VIPR1: variants seen among roughly 807,000 people sequenced by gnomAD.
VIPR1 encodes the protein vasoactive intestinal polypeptide receptor 1.
Under a neutral mutation model 58.8 loss-of-function variants are expected in VIPR1, and 59 were observed. That is an observed-to-expected ratio of 1.00 (90% confidence interval 0.81 to 1.25). The LOEUF is 1.25. Ranked by LOEUF, VIPR1 falls within the 50% of genes most tolerant of loss-of-function variation. VIPR1 has a pLI of 0.00. For missense variants in VIPR1, 626 were observed against 602.7 expected (o/e 1.04, Z -0.40); for synonymous variants, 251 against 242.1 (o/e 1.04, Z -0.34).
chr3:42,527,351 C>T (rs1350501954), intron 4 of VIPR1, 42 bp from the exon 5 acceptor site: 25 of 1,550,732 alleles, frequency 1.6e-5, no homozygotes, highest in Non-Finnish European at 2.0e-5. Context: ...AGATGAGCCT[C>T]CCACCCCACC....
chr3:42,497,855 C>T (rs1270081181), upstream of VIPR1, among the ~76,000 whole-genome samples: 2 of 152,172 alleles, frequency 1.3e-5, no homozygotes, highest in African/African-American at 4.8e-5. Context: ...GTCCACTAAA[C>T]CTCTTTTTCT....
chr3:42,496,246 C>T (rs1416323882), intron 1 of VIPR1, among the ~76,000 whole-genome samples: 1 of 152,128 alleles, frequency 6.6e-6, no homozygotes, highest in Non-Finnish European at 1.5e-5. Flanking sequence ...AAAGCTAATA[C>T]ATCTCCCTTA....
At chr3:42,532,373 T>G (rs1264762614) in intron 10 of VIPR1, 40 bp downstream of exon 10, 2 of 1,577,110 alleles carry the variant, frequency 1.3e-6, no homozygotes, top group Non-Finnish European at 1.7e-6. Context: ...AGTACCTCCA[T>G]CCCCAGTCCT....
chr3:42,528,029 T>TCTTCATATC lies in VIPR1; in HGVS notation c.549_557dup (p.Ser184_Ile186dup), dbSNP rs1559494079. 1 of 1,613,854 alleles carries TCTTCATATC rather than the reference T, an allele frequency of 6.2e-7. No homozygotes were observed. The highest frequency in any genetic ancestry group is 1.7e-5 in the Admixed American group (1 of 59,994). On this transcript the variant is annotated inframe_insertion, in exon 6 of 13. Coordinates refer to ENST00000325123, the MANE Select transcript of VIPR1 (RefSeq NM_004624.4). ...ACGCGGAACTACATCCACATGCACC[T>TCTTCATATC]CTTCATATCCTTCATCCTGAGGGCT...
At chr3:42,531,562 C>G (rs781736341) in intron 8 of VIPR1, 31 bp downstream of exon 8, 1 of 1,589,778 alleles carries the variant, frequency 6.3e-7, no homozygotes, top group African/African-American at 1.3e-5. Flanking sequence ...CTCCCCCGGC[C>G]GCCATCACTT....
intron 11 of VIPR1, 40 bp from the exon 12 acceptor site, chr3:42,535,303 G>A: frequency 1.2e-6 from 2 of 1,612,664 alleles, no homozygotes; most frequent in East Asian, 2.2e-5. Context: ...GGGGGCTTCT[G>A]GTCTGTCTAC....
At chr3:42,503,533 T>A (rs867431361) in intron 1 of VIPR1, among the ~76,000 whole-genome samples, 1 of 152,150 alleles carries the variant, frequency 6.6e-6, no homozygotes, top group Non-Finnish European at 1.5e-5. Flanking sequence ...GGTATGTGTA[T>A]GCCCTTGATA....
upstream of VIPR1, chr3:42,502,639 C>A (rs1364724940): frequency 2.1e-6 from 2 of 961,614 alleles, no homozygotes; most frequent in African/African-American, 1.7e-5. Flanking sequence ...ACAGCGCCAG[C>A]GCCACTCTGC....
intron 1 of VIPR1, among the ~76,000 whole-genome samples, chr3:42,491,425 T>G (rs1262711345): frequency 6.6e-6 from 1 of 152,214 alleles, no homozygotes; most frequent in Admixed American, 6.5e-5. Context: ...ACAGATAAAA[T>G]GGTAGATCTG....
chr3:42,513,795 T>C lies in VIPR1; in HGVS notation c.125T>C (p.Met42Thr). 2 of 1,551,556 alleles carry C rather than the reference T, an allele frequency of 1.3e-6. No homozygotes were observed. Among genetic ancestry groups the C allele is most frequent in the Non-Finnish European group, 1.7e-6 (2 of 1,146,944 alleles). ...CAGGAGGAGTGTGACTATGTGCAGATGATCGAGGTGCAGCACAAGCAGTGC... is the reference window on the plus strand; with the variant it reads ...CAGGAGGAGTGTGACTATGTGCAGACGATCGAGGTGCAGCACAAGCAGTGC... The part of the protein sequence containing the change: ...RLQEECDYVQ[M>T]IEVQHKQCLE... The change falls in exon 2 of 13, where the codon ATG becomes ACG. Residue 42 changes from methionine (M) to threonine (T), a missense_variant. Transcript: ENST00000325123.
chr3:42,489,913 T>A (rs1699636536), intron 1 of VIPR1, among the ~76,000 whole-genome samples: 1 of 151,956 alleles, frequency 6.6e-6, no homozygotes, highest in African/African-American at 2.4e-5. Flanking sequence ...CCACCATAGG[T>A]TACACACACA....
chr3:42,516,364 G>A (rs767935661), intron 2 of VIPR1, among the ~76,000 whole-genome samples: 4 of 152,140 alleles, frequency 2.6e-5, no homozygotes, highest in South Asian at 2.1e-4. Context: ...CTGTCACCCC[G>A]TCCCCTGCTT....
chr3:42,522,101 A>ATATATT (rs1419353370), intron 3 of VIPR1, among the ~76,000 whole-genome samples: 3 of 35,374 alleles, frequency 8.5e-5, no homozygotes, highest in African/African-American at 3.2e-4. Flanking sequence ...ATATATATAT[A>ATATATT]TTTTTTTTTT....
At chr3:42,490,799 C>T (rs1057293458) in intron 1 of VIPR1, among the ~76,000 whole-genome samples, 1 of 151,978 alleles carries the variant, frequency 6.6e-6, no homozygotes, top group Non-Finnish European at 1.5e-5. Flanking sequence ...ATGGGAATAC[C>T]GGGGAAGAGC....
Position 42,532,271 on chromosome 3 carries a change from C to T in VIPR1, c.948C>T (p.Ile316=), listed in dbSNP as rs1701606665. 4 of 1,614,048 alleles carry T rather than the reference C, an allele frequency of 2.5e-6. No homozygotes were observed. Among genetic ancestry groups the T allele is most frequent in the Non-Finnish European group, 3.4e-6 (4 of 1,180,040 alleles). Residue 316 remains isoleucine (I), a synonymous_variant, in exon 10 of 13, where the codon ATC becomes ATT. Transcript: ENST00000325123. ...LVNFILFICI[I]RILLQKLRPP... is the part of the protein sequence containing the mutation. ...ACTTCATCCTGTTTATTTGCATCAT[C>T]CGAATCCTGCTTCAGAAACTGCGGC... is the stretch of plus-strand genomic sequence containing the variant.
At chr3:42,512,802 TA>T in intron 1 of VIPR1, 1 of 985,510 alleles carries the variant, frequency 1.0e-6, no homozygotes, top group Non-Finnish European at 1.2e-6. Flanking sequence ...ACCACTTTTC[TA>T]AAGCCAAAGA....
chr3:42,496,555 A>C (rs1259797651), intron 1 of VIPR1, among the ~76,000 whole-genome samples: 1 of 152,240 alleles, frequency 6.6e-6, no homozygotes, highest in Non-Finnish European at 1.5e-5. Flanking sequence ...AAACTCTTCC[A>C]CTAGGACTGT....
chr3:42,523,767 G>T (rs939091760), intron 3 of VIPR1, among the ~76,000 whole-genome samples: 1 of 152,120 alleles, frequency 6.6e-6, no homozygotes, highest in Admixed American at 6.5e-5. Flanking sequence ...TGAGTAGGGA[G>T]CCCAAAGCTC....
intron 1 of VIPR1, chr3:42,512,305 G>C (rs1700398368): frequency 6.6e-6 from 1 of 152,268 alleles, no homozygotes; most frequent in East Asian, 1.9e-4. Context: ...CAACAGGAAT[G>C]AGAGAGCTGT....
Sources: allele counts gnomAD v4.1 joint callset (sites outside exome capture counted in the v4.1 genomes callset), GRCh38; gene constraint gnomAD v4.1.1; transcripts MANE v1.5; gene names NCBI Gene and HGNC (gene_info 2026-07-23, HGNC 2026-07-21).